The following GRIK1 variants were observed in gnomAD, a reference collection of about 807,000 sequenced individuals.
GRIK1 encodes glutamate receptor ionotropic, kainate 1.
Under a neutral mutation model 105.7 loss-of-function variants are expected in GRIK1, and 69 were observed. The ratio of observed to expected loss-of-function variants is 0.65; its 90% CI spans 0.54 to 0.80. GRIK1 has a LOEUF of 0.80. Ranked by LOEUF, GRIK1 falls within the 30% of genes least tolerant of loss-of-function variation. The pLI is 0.00. For missense variants in GRIK1, 1,109 were observed against 1,167.3 expected (o/e 0.95, Z 0.73); for synonymous variants, 438 against 431.3 (o/e 1.02, Z -0.19).
At chr21:29,868,838 T>C (rs2068915296) in intron 1 of GRIK1, among the ~76,000 whole-genome samples, 1 of 152,166 alleles carries the variant, frequency 6.6e-6, no homozygotes, top group Admixed American at 6.5e-5. Flanking sequence ...CACAGATCCG[T>C]CCACATTACA....
chr21:29,699,322 A>T (rs921468419), intron 1 of GRIK1, among the ~76,000 whole-genome samples: 2 of 152,204 alleles, frequency 1.3e-5, no homozygotes, highest in Non-Finnish European at 2.9e-5. Flanking sequence ...CTAGGTTGCA[A>T]TGAGGCGGCT....
chr21:29,754,673 A>C (rs1490396936), intron 1 of GRIK1, among the ~76,000 whole-genome samples: 1 of 152,316 alleles, frequency 6.6e-6, no homozygotes, highest in South Asian at 2.1e-4. Context: ...TGTTGCTGGC[A>C]AGGTATTTTG....
At chr21:29,835,998 A>T (rs958339213) in intron 1 of GRIK1, among the ~76,000 whole-genome samples, 1 of 130,088 alleles carries the variant, frequency 7.7e-6, no homozygotes, top group Non-Finnish European at 1.8e-5. Flanking sequence ...GGTGAAAGAA[A>T]GCTGTGGGAG....
intron 14 of GRIK1, among the ~76,000 whole-genome samples, chr21:29,570,784 C>A (rs1179944193): frequency 6.6e-6 from 1 of 150,422 alleles, no homozygotes; most frequent in Non-Finnish European, 1.5e-5. Flanking sequence ...TGTTGATGAT[C>A]TTGTGACAAC....
chr21:29,584,956 G>A (rs535825518), intron 12 of GRIK1, among the ~76,000 whole-genome samples: 3 of 152,306 alleles, frequency 2.0e-5, no homozygotes, highest in South Asian at 2.1e-4. Context: ...ATTCTAAGGT[G>A]TAGAGAAGGT....
chr21:29,765,642 C>G (rs1056867015), intron 1 of GRIK1, among the ~76,000 whole-genome samples: 4 of 152,026 alleles, frequency 2.6e-5, no homozygotes, highest in Admixed American at 2.0e-4. Context: ...CCACCATATG[C>G]CAGGGGACAG....
intron 1 of GRIK1, among the ~76,000 whole-genome samples, chr21:29,862,105 G>A (rs1055780553): frequency 6.6e-6 from 1 of 152,020 alleles, no homozygotes; most frequent in East Asian, 1.9e-4. Flanking sequence ...TCCCACCTCA[G>A]CCTCCCCAGT....
At chr21:29,621,926 G>A (rs1324271740) in intron 7 of GRIK1, among the ~76,000 whole-genome samples, 1 of 151,872 alleles carries the variant, frequency 6.6e-6, no homozygotes, top group Non-Finnish European at 1.5e-5. Flanking sequence ...CATATGTGAG[G>A]TGTTCTAAGA....
chr21:29,613,924 G>T (rs1041750692), intron 7 of GRIK1, among the ~76,000 whole-genome samples: 1 of 152,122 alleles, frequency 6.6e-6, no homozygotes, highest in Admixed American at 6.5e-5. Flanking sequence ...TTAATATATT[G>T]TAGGCAAGGG....
intron 1 of GRIK1, among the ~76,000 whole-genome samples, chr21:29,890,979 C>A (rs1295484386): frequency 6.6e-6 from 1 of 152,108 alleles, no homozygotes; most frequent in African/African-American, 2.4e-5. Flanking sequence ...AAGCTATTAG[C>A]TAATACTGAG....
intron 1 of GRIK1, among the ~76,000 whole-genome samples, chr21:29,854,760 C>T (rs1385067343): frequency 2.6e-5 from 4 of 152,146 alleles, no homozygotes; most frequent in Admixed American, 6.5e-5. Context: ...TGATGTCATT[C>T]GTTTGTCTTC....
chr21:29,759,502 T>C (rs1028523383), intron 1 of GRIK1, among the ~76,000 whole-genome samples: 3 of 152,238 alleles, frequency 2.0e-5, no homozygotes, highest in African/African-American at 7.2e-5. Context: ...CTGGTGAATA[T>C]AGTGCCTGGC....
rs569984719 is a variant in GRIK1, at chr21:29,854,603, C to T, written c.118+84780G>A. Among the ~76,000 whole-genome samples the T allele has an allele frequency of 7.2e-4, 109 of 152,206 alleles. 1 individual carries two copies. The highest frequency in any genetic ancestry group is 2.5e-3 in the African/African-American group (103 of 41,544). On this transcript the variant is annotated intron_variant, in intron 1 of 17. Transcript: ENST00000327783. ...AGAGAATGGAGGCACACATGAAGAT[C>T]ATATAAGCCCCTTTGGTCATTATAA...
intron 4 of GRIK1, among the ~76,000 whole-genome samples, chr21:29,665,039 A>G (rs1157625420): frequency 1.3e-5 from 2 of 152,168 alleles, no homozygotes; most frequent in Non-Finnish European, 2.9e-5. Flanking sequence ...CTTATCTCCT[A>G]CTATAGTCAA....
intron 1 of GRIK1, among the ~76,000 whole-genome samples, chr21:29,906,250 C>G (rs1459720811): frequency 6.6e-6 from 1 of 152,116 alleles, no homozygotes; most frequent in African/African-American, 2.4e-5. Context: ...AGGCTTTGTT[C>G]TAATGAAATG....
At chr21:29,728,035 ACCCACATTGAGGAGAGCAGTC>A (rs2064514565) in intron 1 of GRIK1, among the ~76,000 whole-genome samples, 1 of 152,154 alleles carries the variant, frequency 6.6e-6, no homozygotes, top group African/African-American at 2.4e-5. Flanking sequence ...GATGAAGCCC[ACCCACATTGAGGAGAGCAGTC>A]TTCTTTACTC....
chr21:29,538,652 A>G (rs532025881), intron 16 of GRIK1, among the ~76,000 whole-genome samples: 5 of 152,280 alleles, frequency 3.3e-5, no homozygotes, highest in African/African-American at 1.2e-4. Flanking sequence ...TTTTAACCTT[A>G]GCACACAAAA....
Position 29,611,234 on chromosome 21 carries a change from A to T in GRIK1, c.1099-12297T>A, listed in dbSNP as rs925498030. ...TGTCTAAGGTCAAGACTATGAAATT[A>T]CATGTGGACTTAGATATTTTTTGTT... On this transcript the variant is annotated intron_variant, in intron 7 of 17. Transcript: ENST00000327783. 5.9e-5 allele frequency among the ~76,000 whole-genome samples: 9 copies of T among 152,334 alleles called. No homozygotes were observed. The Middle Eastern group carries it at 0.01, about 173-fold the overall frequency.
chr21:29,845,514 TG>T (rs2146020714), intron 1 of GRIK1, among the ~76,000 whole-genome samples: 1 of 152,332 alleles, frequency 6.6e-6, no homozygotes, highest in South Asian at 2.1e-4. Context: ...CTCATTTCTT[TG>T]TTAATTATAT....
Sources: gnomAD v4.1 joint callset for allele counts (sites outside exome capture counted in the v4.1 genomes callset) on GRCh38, gnomAD v4.1.1 for gene constraint, MANE v1.5 for transcripts, NCBI Gene and HGNC (gene_info 2026-07-23, HGNC 2026-07-21) for gene names.